SCNN1B: variants seen among roughly 807,000 people sequenced by gnomAD.
The protein encoded by SCNN1B is epithelial sodium channel subunit beta.
SCNN1B carries 46 observed loss-of-function variants against 65.3 expected under a neutral mutation model. That is an observed-to-expected ratio of 0.70 (90% CI 0.56 to 0.90). The LOEUF (loss-of-function observed/expected upper bound fraction) is 0.90. Ranked by LOEUF, SCNN1B falls within the 40% of genes least tolerant of loss-of-function variation. The pLI, the probability that SCNN1B is intolerant of heterozygous loss-of-function variation, is 0.00. For synonymous variants in SCNN1B, 349 were observed against 330.6 expected (o/e 1.06, Z -0.60); for missense variants, 751 against 830.5 (o/e 0.90, Z 1.18).
chr16:23,330,873 G>A (rs1427995546), intron 1 of SCNN1B, among the ~76,000 whole-genome samples: 1 of 152,014 alleles, frequency 6.6e-6, no homozygotes, highest in African/African-American at 2.4e-5. Context: ...GATCTCTTAA[G>A]GGCAGTCGAG....
intron 2 of SCNN1B, among the ~76,000 whole-genome samples, chr16:23,296,763 AGGCCAAGGCG>A (rs1235523839): frequency 6.6e-6 from 1 of 152,144 alleles, no homozygotes; most frequent in Non-Finnish European, 1.5e-5. Flanking sequence ...GCCCTTTGGG[AGGCCAAGGCG>A]GGCAGATCAC....
At chr16:23,343,651 A>AAAGAAAG (rs1567304517) in intron 1 of SCNN1B, among the ~76,000 whole-genome samples, 8 of 91,178 alleles carry the variant, frequency 8.8e-5, no homozygotes, top group East Asian at 3.0e-4. Context: ...AAGAAAGAAA[A>AAAGAAAG]AAAGAAAGGA....
chr16:23,379,124 C>T (rs1035344031), intron 11 of SCNN1B, among the ~76,000 whole-genome samples: 1 of 149,456 alleles, frequency 6.7e-6, no homozygotes, highest in Admixed American at 6.6e-5. Flanking sequence ...CCCACACACC[C>T]AGCCATCCTC....
At chr16:23,355,136 G>A (rs1962391146) in intron 3 of SCNN1B, among the ~76,000 whole-genome samples, 163 bp from the exon 4 acceptor site, 1 of 152,168 alleles carries the variant, frequency 6.6e-6, no homozygotes, top group Admixed American at 6.5e-5. Flanking sequence ...AGTAGCCCTT[G>A]AGCATGTGTG....
intron 4 of SCNN1B, among the ~76,000 whole-genome samples, chr16:23,367,633 A>G (rs1222940201): frequency 2.0e-5 from 3 of 152,212 alleles, no homozygotes; most frequent in Admixed American, 2.0e-4. Context: ...GCCAAACCAG[A>G]GAGCCTGAGC....
chr16:23,287,381 C>A (rs1960865281), intron 2 of SCNN1B, among the ~76,000 whole-genome samples: 1 of 151,842 alleles, frequency 6.6e-6, no homozygotes, highest in Admixed American at 6.6e-5. Context: ...TCGGTTTAAA[C>A]CAATGGTAAA....
At chr16:23,367,133 CAAG>C (rs1318143946) in intron 4 of SCNN1B, among the ~76,000 whole-genome samples, 1 of 152,164 alleles carries the variant, frequency 6.6e-6, no homozygotes, top group African/African-American at 2.4e-5. Flanking sequence ...CTGGATAATC[CAAG>C]ATGACCTCAT....
chr16:23,301,688 G>C (rs1204339966), upstream of SCNN1B, among the ~76,000 whole-genome samples: 1 of 152,138 alleles, frequency 6.6e-6, no homozygotes, highest in East Asian at 1.9e-4. Flanking sequence ...CAGGTGTAGT[G>C]GGCACTCCAG....
intron 2 of SCNN1B, among the ~76,000 whole-genome samples, chr16:23,289,129 G>A (rs1040913125): frequency 4.6e-5 from 7 of 152,196 alleles, no homozygotes; most frequent in Non-Finnish European, 5.9e-5. Flanking sequence ...ACCAGCAGGC[G>A]GAATCACTGG....
In SCNN1B at chr16:23,304,085, G is replaced by A. The variant is rs959353765; in HGVS notation, c.-9+1648G>A. On this transcript the variant is annotated intron_variant, in intron 1 of 12. Transcript: ENST00000343070. Reference sequence around the variant, plus strand: ...ATAATGCCTACCGATGGGAATTTAGGTGACAAAAATTTTCAGGTTGGTTTT... The same window carrying A: ...ATAATGCCTACCGATGGGAATTTAGATGACAAAAATTTTCAGGTTGGTTTT... The A allele has an allele frequency of 5.9e-6, 9 of 1,535,800 alleles. No individual in the cohort carries two copies. In the African/African-American group the frequency reaches 8.2e-5, roughly 14 times the overall value.
chr16:23,371,662 T>A (rs200146402), intron 6 of SCNN1B, 114 bp from the exon 7 acceptor site: 3 of 618,402 alleles, frequency 4.9e-6, no homozygotes, highest in Admixed American at 6.5e-5. Context: ...GCGCCCCCCC[T>A]GGCACCTGCA....
intron 1 of SCNN1B, among the ~76,000 whole-genome samples, chr16:23,310,057 C>T (rs1471044327): frequency 6.6e-6 from 1 of 152,094 alleles, no homozygotes; most frequent in Non-Finnish European, 1.5e-5. Flanking sequence ...CACGCCCCTC[C>T]ACACATCCTC....
At chr16:23,379,260 C>T (rs929588275) in intron 11 of SCNN1B, among the ~76,000 whole-genome samples, 1 of 149,064 alleles carries the variant, frequency 6.7e-6, no homozygotes, top group Non-Finnish European at 1.5e-5. Flanking sequence ...TCATGGATCT[C>T]TCCATCCATT....
intron 1 of SCNN1B, among the ~76,000 whole-genome samples, chr16:23,316,038 CCACCATCACCATCACCATCCT>C (rs2141989465): frequency 6.9e-6 from 1 of 144,626 alleles, no homozygotes; most frequent in Admixed American, 6.9e-5. Context: ...ATCACCATCG[CCACCATCACCATCACCATCCT>C]CACCATCACC....
At chr16:23,347,204 T>C (rs1962208480) in intron 1 of SCNN1B, among the ~76,000 whole-genome samples, 1 of 152,160 alleles carries the variant, frequency 6.6e-6, no homozygotes, top group African/African-American at 2.4e-5. Context: ...ATCTTTCCTG[T>C]CATGTTTCAT....
At chr16:23,285,403 C>T (rs1017604316) in intron 2 of SCNN1B, among the ~76,000 whole-genome samples, 20 of 152,074 alleles carry the variant, frequency 1.3e-4, no homozygotes, top group African/African-American at 4.6e-4. Context: ...AACTCATGGC[C>T]TCAAGTGATC....
intron 1 of SCNN1B, among the ~76,000 whole-genome samples, chr16:23,316,443 TC>T (rs1420890606): frequency 2.9e-5 from 4 of 138,360 alleles, no homozygotes; most frequent in Non-Finnish European, 6.2e-5. Flanking sequence ...ATCATCACCA[TC>T]ATCATCATCA....
At chr16:23,286,028 G>T (rs978813523) in intron 2 of SCNN1B, among the ~76,000 whole-genome samples, 3 of 135,530 alleles carry the variant, frequency 2.2e-5, no homozygotes, top group African/African-American at 1.0e-4. Flanking sequence ...AAAGATCAAT[G>T]AATTCATAAT....
At chr16:23,369,105 A>AGTTT (rs1005839806) in intron 5 of SCNN1B, among the ~76,000 whole-genome samples, 1 of 152,198 alleles carries the variant, frequency 6.6e-6, no homozygotes, top group East Asian at 1.9e-4. Flanking sequence ...TCTGGTGTAC[A>AGTTT]GTTTGTTTGT....
Sources: gnomAD v4.1 joint callset for allele counts (sites outside exome capture counted in the v4.1 genomes callset) on GRCh38, gnomAD v4.1.1 for gene constraint, MANE v1.5 for transcripts, NCBI Gene and HGNC (gene_info 2026-07-23, HGNC 2026-07-21) for gene names.